PHACTR3: variants seen among roughly 807,000 people sequenced by gnomAD.
The protein encoded by PHACTR3 is phosphatase and actin regulator 3.
A neutral mutation model predicts 66.8 loss-of-function variants in PHACTR3; 16 were observed. The observed-to-expected ratio is 0.24, with a 90% CI of 0.16 to 0.36. The LOEUF (loss-of-function observed/expected upper bound fraction) is 0.36, where lower values mean the gene tolerates loss of function less well. Among genes scored for constraint, PHACTR3 ranks in the 10% least tolerant of loss-of-function variants. PHACTR3 has a pLI of 1.00. For missense variants in PHACTR3, 647 were observed against 719.9 expected (o/e 0.90, Z 1.16); for synonymous variants, 323 against 292.1 (o/e 1.11, Z -1.08).
Position 59,671,130 on chromosome 20 carries a change from G to A in PHACTR3, c.118+65998G>A, listed in dbSNP as rs572176000. Among the ~76,000 whole-genome samples, 39 of 152,140 alleles carry A rather than the reference G, an allele frequency of 2.6e-4. 1 individual carries two copies. The highest frequency in any genetic ancestry group is 8.7e-4 in the African/African-American group (36 of 41,488). ...TTCTGAGCTTTTTTTTCTTCATTTA[G>A]CATCAATTCCTGTCATGGAAAATCA... is the stretch of plus-strand genomic sequence containing the variant. On this transcript the variant is annotated intron_variant, in intron 1 of 12. Coordinates refer to ENST00000371015, the MANE Select transcript of PHACTR3 (RefSeq NM_080672.5).
At chr20:59,844,612 CAT>C (rs1442800177) in intron 11 of PHACTR3, 1 of 152,092 alleles carries the variant, frequency 6.6e-6, no homozygotes, top group African/African-American at 2.4e-5. Context: ...TGTTCTCACT[CAT>C]GTGGGATCAA....
At chr20:59,721,692 A>AGT (rs1404121792) in intron 1 of PHACTR3, among the ~76,000 whole-genome samples, 4 of 152,190 alleles carry the variant, frequency 2.6e-5, no homozygotes, top group Non-Finnish European at 5.9e-5. Context: ...GAGGCTGGAG[A>AGT]GTGACAAGGA....
At chr20:59,827,062 TC>T (rs2042214742) in intron 8 of PHACTR3, among the ~76,000 whole-genome samples, 1 of 151,854 alleles carries the variant, frequency 6.6e-6, no homozygotes, top group Non-Finnish European at 1.5e-5. Flanking sequence ...CCTCTGAGAG[TC>T]CCCAGATGGA....
chr20:59,586,970 CA>C (rs2033048908), intron 1 of PHACTR3, among the ~76,000 whole-genome samples: 1 of 152,224 alleles, frequency 6.6e-6, no homozygotes, highest in African/African-American at 2.4e-5. Flanking sequence ...TATTATATCC[CA>C]TTGGTTCTGG....
chr20:59,609,485 C>T (rs1313883479), intron 1 of PHACTR3, among the ~76,000 whole-genome samples: 4 of 150,578 alleles, frequency 2.7e-5, no homozygotes, highest in African/African-American at 9.8e-5. Context: ...CCCCCACCCC[C>T]ACCCTCACCC....
At chr20:59,845,700 A>C (rs908142063) in intron 12 of PHACTR3, among the ~76,000 whole-genome samples, 2 of 152,140 alleles carry the variant, frequency 1.3e-5, no homozygotes, top group Non-Finnish European at 2.9e-5. Flanking sequence ...TAACACAGCC[A>C]GCGTTCTCCT....
intron 1 of PHACTR3, among the ~76,000 whole-genome samples, chr20:59,637,280 T>A (rs1463206309): frequency 1.3e-5 from 2 of 152,252 alleles, no homozygotes; most frequent in African/African-American, 4.8e-5. Flanking sequence ...TGACCAGCTC[T>A]GCTAGAGCGA....
At chr20:59,844,178 G>A (rs1375873625) in intron 11 of PHACTR3, 1 of 152,074 alleles carries the variant, frequency 6.6e-6, no homozygotes, top group Non-Finnish European at 1.5e-5. Context: ...TGCTGGAAAG[G>A]ATTAGGAGAA....
chr20:59,824,786 C>CG (rs1326877418), intron 8 of PHACTR3, among the ~76,000 whole-genome samples: 2 of 151,922 alleles, frequency 1.3e-5, no homozygotes, highest in Non-Finnish European at 2.9e-5. Context: ...AGTGGGGGGG[C>CG]GGGGGGAGGG....
At chr20:59,678,270 A>G (rs1465745339) in intron 1 of PHACTR3, among the ~76,000 whole-genome samples, 1 of 152,142 alleles carries the variant, frequency 6.6e-6, no homozygotes, top group Non-Finnish European at 1.5e-5. Flanking sequence ...GTTGTTATAT[A>G]ATGCAGTAGT....
chr20:59,700,033 C>T (rs1003227852), intron 1 of PHACTR3, among the ~76,000 whole-genome samples: 1 of 152,208 alleles, frequency 6.6e-6, no homozygotes, highest in Non-Finnish European at 1.5e-5. Context: ...TTGACCAGTT[C>T]TCCTTCCCTG....
At chr20:59,653,895 C>T (rs553558607) in intron 1 of PHACTR3, among the ~76,000 whole-genome samples, 1 of 152,294 alleles carries the variant, frequency 6.6e-6, no homozygotes, top group South Asian at 2.1e-4. Flanking sequence ...ACGCTTTCTA[C>T]ACCCAGATTT....
Position 59,767,348 on chromosome 20 carries a change from C to T in PHACTR3, c.704C>T (p.Pro235Leu). The part of the protein sequence containing the change: ...VGQLPSPPLL[P>L]TPPPKASSKT... ...CAGCTCCCCAGCCCCCCACTGCTGC[C>T]CACTCCGCCACCCAAGGCAAGCTCC... is the stretch of plus-strand genomic sequence containing the variant. Residue 235 changes from proline to leucine, a missense_variant, in exon 5 of 13, where the codon CCC (proline) becomes CTC (leucine). Pro to Leu is a moderately conservative substitution (Grantham distance 98). Coordinates refer to ENST00000371015, the MANE Select transcript of PHACTR3 (RefSeq NM_080672.5). The T allele has an allele frequency of 6.2e-7, 1 of 1,614,114 alleles. No homozygotes were observed. The highest frequency in any genetic ancestry group is 2.2e-5 in the East Asian group (1 of 44,884).
intron 1 of PHACTR3, among the ~76,000 whole-genome samples, chr20:59,725,785 C>T (rs2038539880): frequency 6.6e-6 from 1 of 152,162 alleles, no homozygotes; most frequent in South Asian, 2.1e-4. Flanking sequence ...GGCTAGGCTA[C>T]ATTCTTGCCA....
At chr20:59,624,483 C>T (rs974379062) in intron 1 of PHACTR3, among the ~76,000 whole-genome samples, 2 of 152,140 alleles carry the variant, frequency 1.3e-5, no homozygotes, top group African/African-American at 4.8e-5. Context: ...TCTCAGGTGC[C>T]GCTGATGCTG....
chr20:59,588,794 T>G (rs1263359248), intron 1 of PHACTR3, among the ~76,000 whole-genome samples: 1 of 152,162 alleles, frequency 6.6e-6, no homozygotes. Context: ...ACACGTGAAT[T>G]AACGAATGAG....
intron 9 of PHACTR3, among the ~76,000 whole-genome samples, chr20:59,837,406 C>T (rs780587854): frequency 4.0e-4 from 61 of 152,162 alleles, no homozygotes; most frequent in Middle Eastern, 6.8e-3. Context: ...CAGAAAATAC[C>T]GCAGAGCCCC....
rs1299749203 is a variant in PHACTR3 at position 59,738,084 on chromosome 20, C to T, written c.119-5023C>T. Among the ~76,000 whole-genome samples the T allele has an allele frequency of 6.6e-6, 1 of 152,028 alleles. No individual in the cohort carries two copies. The highest frequency in any genetic ancestry group is 1.5e-5 in the Non-Finnish European group (1 of 68,004). On this transcript the variant is annotated intron_variant, in intron 1 of 12. Transcript: ENST00000371015. This position sits in a 1 kb window ranked among gnomAD's most constrained non-coding sequence, Gnocchi z 4.4. The stretch of plus-strand genomic sequence containing the variant: ...GGTAGGGAGGGGGAGGCGCCACTGC[C>T]CCTCCTGCCCACCTTCCACCAGTGG...
intron 1 of PHACTR3, among the ~76,000 whole-genome samples, chr20:59,726,872 T>C (rs1216138289): frequency 6.6e-6 from 1 of 152,212 alleles, no homozygotes; most frequent in Non-Finnish European, 1.5e-5. Context: ...AACTGGACTA[T>C]GTCCAGTTAA....
Sources: gnomAD v4.1 joint callset for allele counts (sites outside exome capture counted in the v4.1 genomes callset) on GRCh38, gnomAD v4.1.1 for gene constraint, Gnocchi (gnomAD v3.1) non-coding constraint, MANE v1.5 for transcripts, NCBI Gene and HGNC (gene_info 2026-07-23, HGNC 2026-07-21) for gene names.